The following CELF4 variants were observed in gnomAD, a reference collection of about 807,000 sequenced individuals.
CELF4 encodes the protein CUG-BP- and ETR-3-like factor 4.
A neutral mutation model predicts 59.9 loss-of-function variants in CELF4; 18 were observed. The observed-to-expected ratio is 0.30, with a 90% CI of 0.21 to 0.45. The LOEUF is 0.45. Ranked by LOEUF, CELF4 falls within the 20% of genes least tolerant of loss-of-function variation. The probability of loss-of-function intolerance (pLI) is 1.00; values close to 1 mark genes in which losing one functional copy is unlikely to be tolerated. For synonymous variants in CELF4, 261 were observed against 267.1 expected (o/e 0.98, Z 0.22); for missense variants, 456 against 689.0 (o/e 0.66, Z 3.79).
At chr18:37,291,392 A>G (rs1267477632) in intron 3 of CELF4, among the ~76,000 whole-genome samples, 1 of 152,220 alleles carries the variant, frequency 6.6e-6, no homozygotes, top group Non-Finnish European at 1.5e-5. Flanking sequence ...AGAAAGCTCA[A>G]GGTTGGGCAG....
At chr18:37,454,073 A>C (rs960375975) in intron 2 of CELF4, among the ~76,000 whole-genome samples, 1 of 151,798 alleles carries the variant, frequency 6.6e-6, no homozygotes, top group Admixed American at 6.6e-5. Flanking sequence ...CTAGCAAAAA[A>C]CCCCTATTGC....
intron 1 of CELF4, among the ~76,000 whole-genome samples, chr18:37,548,129 T>C (rs1002067205): frequency 6.6e-6 from 1 of 152,150 alleles, no homozygotes; most frequent in Non-Finnish European, 1.5e-5. Flanking sequence ...TCCATAAATG[T>C]GTACACATCT....
At chr18:37,401,250 C>T (rs760799244) in intron 2 of CELF4, among the ~76,000 whole-genome samples, 46 of 152,226 alleles carry the variant, frequency 3.0e-4, no homozygotes, top group Non-Finnish European at 6.3e-4. Flanking sequence ...CTTCCCTTCT[C>T]CCACCAGGTC....
intron 2 of CELF4, among the ~76,000 whole-genome samples, chr18:37,357,738 G>A (rs1166114311): frequency 1.3e-5 from 2 of 152,214 alleles, no homozygotes; most frequent in Non-Finnish European, 2.9e-5. Context: ...CCACAGGGGT[G>A]GAGCTGCCCA....
At chr18:37,476,735 A>T (rs2099850440) in intron 2 of CELF4, among the ~76,000 whole-genome samples, 1 of 152,168 alleles carries the variant, frequency 6.6e-6, no homozygotes, top group Admixed American at 6.5e-5. Context: ...TCACACAGAC[A>T]TTCTGTTTCT....
At chr18:37,276,382 T>C (rs181255412) in intron 3 of CELF4, 1 of 152,242 alleles carries the variant, frequency 6.6e-6, no homozygotes, top group East Asian at 1.9e-4. Context: ...CTCTAACAAA[T>C]AAAGAATGGC....
intron 2 of CELF4, among the ~76,000 whole-genome samples, chr18:37,322,312 A>G (rs1210212197): frequency 1.3e-5 from 2 of 152,144 alleles, no homozygotes; most frequent in East Asian, 1.9e-4. Flanking sequence ...CTGCAGATGG[A>G]CCCCACCCAG....
At position 37,565,675 on chromosome 18, in the gene CELF4, C is replaced by A; in HGVS notation, c.-34G>T. The A allele has an allele frequency of 1.3e-6, 2 of 1,526,134 alleles. No homozygotes were observed. Among genetic ancestry groups the A allele is most frequent in the Non-Finnish European group, 8.8e-7 (1 of 1,138,144 alleles). The allele number at this position is 1,526,134 out of a possible 1,614,324, so 94.5% of individuals were successfully genotyped here. ...TCTTCTTTCCTTTTATTCTTTCTCGCTCACACTCTCTCGCTCCTCTCTCTC... is the reference window on the plus strand; with the variant it reads ...TCTTCTTTCCTTTTATTCTTTCTCGATCACACTCTCTCGCTCCTCTCTCTC... On this transcript the variant is annotated 5_prime_UTR_variant, in exon 1 of 13. Coordinates refer to ENST00000420428, the MANE Select transcript of CELF4 (RefSeq NM_020180.4).
At chr18:37,318,637 C>A (rs976907383) in intron 3 of CELF4, among the ~76,000 whole-genome samples, 45 of 145,732 alleles carry the variant, frequency 3.1e-4, no homozygotes, top group African/African-American at 1.2e-3. Context: ...ACCTCCCCCC[C>A]CCCCCACTTT....
intron 1 of CELF4, among the ~76,000 whole-genome samples, chr18:37,524,324 G>GA (rs1250763208): frequency 6.6e-6 from 1 of 152,218 alleles, no homozygotes; most frequent in African/African-American, 2.4e-5. Context: ...GTGGAAGAAG[G>GA]AAAATGGCCG....
At chr18:37,557,076 G>A (rs1423299484) in intron 1 of CELF4, among the ~76,000 whole-genome samples, 1 of 152,190 alleles carries the variant, frequency 6.6e-6, no homozygotes, top group African/African-American at 2.4e-5. Context: ...GCATGCTTCA[G>A]CTGCAAGCAT....
intron 1 of CELF4, among the ~76,000 whole-genome samples, chr18:37,529,984 G>T (rs966837655): frequency 6.6e-6 from 1 of 152,080 alleles, no homozygotes; most frequent in Non-Finnish European, 1.5e-5. Flanking sequence ...TCACAGAATG[G>T]ACAATGGCCA....
intron 8 of CELF4, among the ~76,000 whole-genome samples, chr18:37,269,217 C>T (rs1479930015): frequency 1.3e-5 from 2 of 152,250 alleles, no homozygotes; most frequent in Admixed American, 6.5e-5. Flanking sequence ...TTAAACAACA[C>T]TCCAGATCAT....
chr18:37,554,342 G>A (rs1467603452), intron 1 of CELF4, among the ~76,000 whole-genome samples: 5 of 151,624 alleles, frequency 3.3e-5, no homozygotes, highest in African/African-American at 4.8e-5. Flanking sequence ...AGAGGCCAGC[G>A]GACCTTCTTG....
chr18:37,377,714 C>G lies in CELF4; in HGVS notation c.370-55833G>C, dbSNP rs569121426. On this transcript the variant is annotated intron_variant, in intron 2 of 12. Coordinates refer to ENST00000420428, the MANE Select transcript of CELF4 (RefSeq NM_020180.4). ...TGTCTTGAGTTACTCAAGTCGAACT[C>G]TGCCTTTGGGGTTGGGGTCAGAGGC... is the stretch of plus-strand genomic sequence containing the variant. Among the ~76,000 whole-genome samples the G allele has an allele frequency of 1.6e-4, 24 of 152,342 alleles. No individual in the cohort carries two copies. In the South Asian group the frequency reaches 5.0e-3, roughly 32 times the overall value.
chr18:37,526,797 A>C (rs1467605482), intron 1 of CELF4, among the ~76,000 whole-genome samples: 1 of 152,180 alleles, frequency 6.6e-6, no homozygotes, highest in Non-Finnish European at 1.5e-5. Flanking sequence ...CTTTGGTGTC[A>C]ACTGGGCCTA....
At chr18:37,477,581 T>C (rs1291868114) in intron 2 of CELF4, among the ~76,000 whole-genome samples, 1 of 152,116 alleles carries the variant, frequency 6.6e-6, no homozygotes, top group Non-Finnish European at 1.5e-5. Context: ...AAGGCCACTG[T>C]GGTGGTGTGG....
At chr18:37,339,710 C>T (rs1479999002) in intron 2 of CELF4, among the ~76,000 whole-genome samples, 1 of 149,798 alleles carries the variant, frequency 6.7e-6, no homozygotes, top group African/African-American at 2.5e-5. Context: ...GCCGAGATCG[C>T]ACTACTGTAC....
At chr18:37,333,266 T>A (rs1239513254) in intron 2 of CELF4, among the ~76,000 whole-genome samples, 2 of 151,992 alleles carry the variant, frequency 1.3e-5, no homozygotes, top group African/African-American at 4.8e-5. Flanking sequence ...GCTCTGAACA[T>A]CGTGCCTGGC....
Sources: gnomAD v4.1 joint callset for allele counts (sites outside exome capture counted in the v4.1 genomes callset) on GRCh38, gnomAD v4.1.1 for gene constraint, MANE v1.5 for transcripts, NCBI Gene and HGNC (gene_info 2026-07-23, HGNC 2026-07-21) for gene names.